The following RAP1GAP2 variants were observed in gnomAD, a reference collection of about 807,000 sequenced individuals.
RAP1GAP2 encodes RAP1 GTPase activating protein 2, also known as rap1 GTPase-activating protein 2.
In RAP1GAP2, 27 loss-of-function variants were observed where a neutral mutation model predicts 95.0. The observed-to-expected ratio is 0.28, with a 90% CI of 0.21 to 0.39. RAP1GAP2 has a LOEUF of 0.39. RAP1GAP2 is among the 10% of genes least tolerant of loss of function. The probability of loss-of-function intolerance (pLI) is 1.00; values close to 1 mark genes in which losing one functional copy is unlikely to be tolerated. For synonymous variants in RAP1GAP2, 373 were observed against 380.9 expected (o/e 0.98, Z 0.24); for missense variants, 771 against 970.0 (o/e 0.79, Z 2.72).
chr17:2,969,163 T>TTATC (rs756995427), intron 8 of RAP1GAP2, among the ~76,000 whole-genome samples: 101 of 146,660 alleles, frequency 6.9e-4, no homozygotes, highest in African/African-American at 1.4e-3. Context: ...ATATTTTTCT[T>TTATC]TATCTATCTA....
chr17:2,884,062 G>A (rs905269493), intron 2 of RAP1GAP2, among the ~76,000 whole-genome samples: 2 of 152,192 alleles, frequency 1.3e-5, no homozygotes, highest in Non-Finnish European at 2.9e-5. Context: ...TGGGCCAGTC[G>A]GGAATCTCTT....
chr17:2,928,004 C>T (rs1394275494), intron 3 of RAP1GAP2, among the ~76,000 whole-genome samples: 5 of 152,190 alleles, frequency 3.3e-5, no homozygotes, highest in South Asian at 2.1e-4. Context: ...ATAGCACACA[C>T]GCTGCAGCCT....
chr17:2,993,077 G>T (rs1011904811), intron 12 of RAP1GAP2, among the ~76,000 whole-genome samples: 1 of 147,840 alleles, frequency 6.8e-6, no homozygotes, highest in African/African-American at 2.5e-5. Context: ...AAAAAATTAG[G>T]CAGGCATGGT....
chr17:3,030,486 C>G (rs1198160479), intron 22 of RAP1GAP2, among the ~76,000 whole-genome samples: 1 of 152,056 alleles, frequency 6.6e-6, no homozygotes, highest in South Asian at 2.1e-4. Context: ...ATACACTTGT[C>G]GTGGCTGATC....
At chr17:2,940,455 G>A (rs1315957759) in intron 3 of RAP1GAP2, among the ~76,000 whole-genome samples, 1 of 152,246 alleles carries the variant, frequency 6.6e-6, no homozygotes, top group African/African-American at 2.4e-5. Flanking sequence ...ATAGGTGGGA[G>A]TTGCCATGGC....
In RAP1GAP2 at chr17:2,991,349, A is replaced by G; in HGVS notation, c.866A>G (p.Glu289Gly). Residue 289 changes from glutamate to glycine, a missense_variant, in exon 12 of 25, where the codon GAG becomes GGG. By Grantham distance (98) the Glu-to-Gly change is moderately conservative. Coordinates refer to ENST00000254695, the MANE Select transcript of RAP1GAP2 (RefSeq NM_015085.5). ...GNNEESPAFK[E>G]FLDLLGDTIT... ...AATGAGGAGAGCCCAGCTTTTAAGG[A>G]GTTCTTGGACCTGCTGGGGGACACG... 1 of 1,606,960 alleles carries G rather than the reference A, an allele frequency of 6.2e-7. No individual in the cohort carries two copies. Among genetic ancestry groups the G allele is most frequent in the Non-Finnish European group, 8.5e-7 (1 of 1,176,896 alleles).
At chr17:2,874,799 C>G (rs986342633) in intron 2 of RAP1GAP2, among the ~76,000 whole-genome samples, 1 of 152,138 alleles carries the variant, frequency 6.6e-6, no homozygotes, top group Non-Finnish European at 1.5e-5. Context: ...GAAGTTCTGC[C>G]TCTGCTTCTC....
chr17:2,962,007 A>G (rs970557540), intron 4 of RAP1GAP2, among the ~76,000 whole-genome samples: 22 of 151,034 alleles, frequency 1.5e-4, no homozygotes, highest in African/African-American at 5.4e-4. Context: ...GGTTCAAGCA[A>G]TTCTACCGCC....
chr17:2,922,587 GT>G (rs1438805244), intron 3 of RAP1GAP2, among the ~76,000 whole-genome samples: 1 of 152,138 alleles, frequency 6.6e-6, no homozygotes, highest in African/African-American at 2.4e-5. Context: ...GAGGTACAGG[GT>G]GTTGCGGGGC....
At chr17:2,845,108 C>T (rs978068676) in intron 2 of RAP1GAP2, among the ~76,000 whole-genome samples, 1 of 152,156 alleles carries the variant, frequency 6.6e-6, no homozygotes, top group Non-Finnish European at 1.5e-5. Context: ...TAAGTTCTAG[C>T]CCAGAGGCAC....
chr17:2,971,418 C>T (rs1219435905), intron 8 of RAP1GAP2, among the ~76,000 whole-genome samples: 1 of 151,962 alleles, frequency 6.6e-6, no homozygotes, highest in Non-Finnish European at 1.5e-5. Context: ...AAATTTATTA[C>T]CTTAAATGGT....
At position 2,904,807 on chromosome 17, in the gene RAP1GAP2, ACTT is replaced by A. The variant is rs2042146166; in HGVS notation, c.81-476_81-474del. On this transcript the variant is annotated intron_variant, in intron 2 of 24. Transcript: ENST00000254695. This position sits in a 1 kb window ranked among gnomAD's most constrained non-coding sequence, Gnocchi z 4.7. ...GTGCCGCTGGTGGTCCAGGGACCAT[ACTT>A]AGAGTAGCACTGCTTTAGATTTTGG... Among the ~76,000 whole-genome samples the A allele has an allele frequency of 1.3e-5, 2 of 152,076 alleles. No individual in the cohort carries two copies. The highest frequency in any genetic ancestry group is 4.8e-5 in the African/African-American group (2 of 41,394).
In RAP1GAP2 at chr17:3,034,210, C is replaced by T; in HGVS notation, c.*849C>T. 6.3e-6 allele frequency: 1 copy of T among 159,842 alleles called. No homozygotes were observed. Among genetic ancestry groups the T allele is most frequent in the South Asian group, 1.4e-4 (1 of 7,054 alleles). The allele number at this position is 159,842 out of a possible 1,614,324, so 9.9% of individuals were successfully genotyped here. ...TCTCTTCCCTTTGAGAAGATATTTT[C>T]CCACAAAGGGGTGGGAAGCCAGGAG... On this transcript the variant is annotated 3_prime_UTR_variant, in exon 25 of 25. Transcript: ENST00000254695. This position sits in a 1 kb window ranked among gnomAD's most constrained non-coding sequence, Gnocchi z 5.1.
chr17:2,793,619 T>C (rs1440850173), upstream of RAP1GAP2, among the ~76,000 whole-genome samples: 1 of 152,268 alleles, frequency 6.6e-6, no homozygotes, highest in South Asian at 2.1e-4. Flanking sequence ...GGCTGACTGT[T>C]CCCACTTTCA....
chr17:2,883,417 G>T (rs543682870), intron 2 of RAP1GAP2, among the ~76,000 whole-genome samples: 6 of 152,220 alleles, frequency 3.9e-5, no homozygotes, highest in Admixed American at 3.9e-4. Flanking sequence ...TCCACTCCAC[G>T]TGCTGCCCTG....
At chr17:2,776,614 C>T (rs1480754111), upstream of RAP1GAP2, among the ~76,000 whole-genome samples, 1 of 151,790 alleles carries the variant, frequency 6.6e-6, no homozygotes, top group Non-Finnish European at 1.5e-5. Flanking sequence ...CCAGGGCGCG[C>T]CCCGGGTGGC....
At chr17:2,864,099 C>T (rs2072525931) in intron 2 of RAP1GAP2, among the ~76,000 whole-genome samples, 2 of 151,970 alleles carry the variant, frequency 1.3e-5, no homozygotes, top group Non-Finnish European at 2.9e-5. Context: ...GGTTCCTCAC[C>T]GTCTTGTCCC....
intron 17 of RAP1GAP2, among the ~76,000 whole-genome samples, chr17:3,014,507 T>C (rs1248876445): frequency 2.6e-5 from 4 of 151,820 alleles, no homozygotes; most frequent in African/African-American, 9.7e-5. Context: ...GATGGTGTTG[T>C]CAACGCACAA....
Position 2,908,041 on chromosome 17 carries a change from G to A in RAP1GAP2, c.165+2673G>A, listed in dbSNP as rs951395511. ...AGGCTGGTCTCGAACTCCTGACCTC[G>A]TGATGCGCCCGCCTCGGCCTCCCAA... On this transcript the variant is annotated intron_variant, in intron 3 of 24. Transcript: ENST00000254695. Among the ~76,000 whole-genome samples the A allele has an allele frequency of 3.0e-4, 46 of 152,172 alleles. 1 individual carries two copies. The Middle Eastern group carries it at 0.01, about 34-fold the overall frequency.
Sources: gnomAD v4.1 joint callset for allele counts (sites outside exome capture counted in the v4.1 genomes callset) on GRCh38, gnomAD v4.1.1 for gene constraint, Gnocchi (gnomAD v3.1) non-coding constraint, MANE v1.5 for transcripts, NCBI Gene and HGNC (gene_info 2026-07-23, HGNC 2026-07-21) for gene names.